The following PRDM10 variants were observed in gnomAD, a reference collection of about 807,000 sequenced individuals.
The protein encoded by PRDM10 is PR domain zinc finger protein 10.
A neutral mutation model predicts 133.1 loss-of-function variants in PRDM10; 65 were observed. The observed-to-expected ratio is 0.49, with a 90% confidence interval of 0.40 to 0.60. The LOEUF (loss-of-function observed/expected upper bound fraction) is 0.60, where lower values mean the gene tolerates loss of function less well. Ranked by LOEUF, PRDM10 falls within the 20% of genes least tolerant of loss-of-function variation. The pLI, the probability that PRDM10 is intolerant of heterozygous loss-of-function variation, is 0.00. For synonymous variants in PRDM10, 582 were observed against 580.4 expected (o/e 1.00, Z -0.04); for missense variants, 1,137 against 1,507.1 (o/e 0.75, Z 4.07).
chr11:129,929,814 T>A (rs1950797053), intron 11 of PRDM10, among the ~76,000 whole-genome samples: 1 of 148,676 alleles, frequency 6.7e-6, no homozygotes. Flanking sequence ...AAAATCAGAA[T>A]GGCCAAAGCA....
intron 1 of PRDM10, among the ~76,000 whole-genome samples, chr11:129,966,380 G>A (rs925322719): frequency 2.6e-5 from 4 of 152,138 alleles, no homozygotes; most frequent in African/African-American, 9.7e-5. Flanking sequence ...CTGAAATAGG[G>A]ATCTATTTTA....
chr11:129,992,795 A>G (rs1186990988), intron 1 of PRDM10, among the ~76,000 whole-genome samples: 1 of 152,236 alleles, frequency 6.6e-6, no homozygotes, highest in Non-Finnish European at 1.5e-5. Flanking sequence ...TAGGAACTGA[A>G]GAAGACATTG....
intron 11 of PRDM10, among the ~76,000 whole-genome samples, chr11:129,929,737 C>T (rs1450525439): frequency 5.2e-5 from 7 of 135,876 alleles, no homozygotes; most frequent in East Asian, 2.2e-4. Context: ...GTGTGGGCTT[C>T]GGTTTTTTTT....
At chr11:129,938,021 T>G (rs1005420302) in intron 7 of PRDM10, among the ~76,000 whole-genome samples, 1 of 152,230 alleles carries the variant, frequency 6.6e-6, no homozygotes, top group African/African-American at 2.4e-5. Flanking sequence ...GTCATAGTGG[T>G]TGCCACCAAA....
chr11:129,933,508 A>C (rs1402420788), intron 9 of PRDM10, among the ~76,000 whole-genome samples: 1 of 152,200 alleles, frequency 6.6e-6, no homozygotes, highest in Non-Finnish European at 1.5e-5. Context: ...ATCACACCTG[A>C]GAAATATCTG....
Position 129,923,899 on chromosome 11 carries a change from T to C in PRDM10, c.1879-496A>G, listed in dbSNP as rs1043921829. Among the ~76,000 whole-genome samples, 1 of 152,252 alleles carries C rather than the reference T, an allele frequency of 6.6e-6. No individual in the cohort carries two copies. The highest frequency in any genetic ancestry group is 1.5e-5 in the Non-Finnish European group (1 of 68,038). On this transcript the variant is annotated intron_variant, in intron 12 of 20. Transcript: ENST00000360871. The surrounding 1 kb of genome is among the most constrained non-coding windows in gnomAD (Gnocchi z 4.4). ...TTTTACATCTTCTTATAAAATTAAGTTCTGAAGAATTAAAGACATGAATGA... is the reference window on the plus strand; with the variant it reads ...TTTTACATCTTCTTATAAAATTAAGCTCTGAAGAATTAAAGACATGAATGA...
At chr11:129,930,159 G>A (rs958258952) in intron 11 of PRDM10, among the ~76,000 whole-genome samples, 2 of 152,154 alleles carry the variant, frequency 1.3e-5, no homozygotes, top group East Asian at 1.9e-4. Context: ...AGAAACATAC[G>A]CTGAACGATC....
intron 1 of PRDM10, among the ~76,000 whole-genome samples, chr11:129,979,672 C>T (rs944883123): frequency 1.3e-5 from 2 of 152,222 alleles, no homozygotes; most frequent in African/African-American, 2.4e-5. Context: ...GCAAAGCTCT[C>T]GAGGAGAAAC....
chr11:129,967,709 C>T (rs1040113399), intron 1 of PRDM10, among the ~76,000 whole-genome samples: 1 of 152,028 alleles, frequency 6.6e-6, no homozygotes, highest in Non-Finnish European at 1.5e-5. Context: ...TGCAGCTCAC[C>T]CCATGGCGAC....
rs1951682647 is a variant in PRDM10, at chr11:129,955,648, T to C, written c.235-77A>G. On this transcript the variant is annotated intron_variant, in intron 3 of 20. Transcript: ENST00000360871. ...CTACACAGAAAAATTATCCTACTGC[T>C]AAGCACCAATTTTTAGAAAAGTTAA... is the stretch of plus-strand genomic sequence containing the variant. 4 of 1,359,564 alleles carry C rather than the reference T, an allele frequency of 2.9e-6. No homozygotes were observed. In the South Asian group the frequency reaches 3.7e-5, roughly 12 times the overall value. The allele number at this position is 1,359,564 out of a possible 1,614,324, so 84.2% of individuals were successfully genotyped here. A position where few individuals can be genotyped will look rare whatever the true frequency, so the allele number is the denominator to read the frequency against.
chr11:129,927,749 T>G (rs901900968), intron 11 of PRDM10, among the ~76,000 whole-genome samples: 1 of 152,150 alleles, frequency 6.6e-6, no homozygotes, highest in African/African-American at 2.4e-5. Flanking sequence ...ATGATACTAA[T>G]GGGATGGTCA....
chr11:129,938,493 C>G (rs966729517), intron 7 of PRDM10, among the ~76,000 whole-genome samples: 1 of 152,076 alleles, frequency 6.6e-6, no homozygotes, highest in Non-Finnish European at 1.5e-5. Flanking sequence ...CAAGGACTAC[C>G]GCTCCCTCGA....
chr11:129,910,597 G>A lies in PRDM10; in HGVS notation c.3042C>T (p.Ser1014=), dbSNP rs748410696. 2 of 1,613,822 alleles carry A rather than the reference G, an allele frequency of 1.2e-6. No individual in the cohort carries two copies. The highest frequency in any genetic ancestry group is 1.7e-6 in the Non-Finnish European group (2 of 1,179,838). ...GTGTGGAAGAACTGCCCTGGATGTG[G>A]GAGGGGCTGAGCCCCTGCTGAGCCT... ...AQQAQQGLSP[S]HIQGSSSTQG... Residue 1014 remains serine, a synonymous_variant, in exon 19 of 21, where the codon TCC becomes TCT. Transcript: ENST00000360871.
At chr11:129,965,159 T>C (rs905316561) in intron 1 of PRDM10, among the ~76,000 whole-genome samples, 2 of 151,744 alleles carry the variant, frequency 1.3e-5, no homozygotes, top group Non-Finnish European at 2.9e-5. Context: ...AGGAGTTGCT[T>C]GAACGCAAAA....
intron 1 of PRDM10, among the ~76,000 whole-genome samples, chr11:129,982,663 A>T (rs542732915): frequency 5.9e-4 from 90 of 152,232 alleles, no homozygotes; most frequent in African/African-American, 2.1e-3. Context: ...TCAAAAAGCT[A>T]TTTTTAGCCA....
chr11:129,924,759 T>C lies in PRDM10; in HGVS notation c.1878+123A>G, dbSNP rs574862391. The C allele has an allele frequency of 8.6e-6, 7 of 810,260 alleles. No homozygotes were observed. The African/African-American group carries it at 1.0e-4, about 12-fold the overall frequency. The allele number at this position is 810,260 out of a possible 1,614,324, so 50.2% of individuals were successfully genotyped here. On this transcript the variant is annotated intron_variant, in intron 12 of 20. Transcript: ENST00000360871. ...TTGATTGAAGAAATATTGTTCTCAA[T>C]TGTAAAGTTGTTTCAAAGAAGGGAT...
At chr11:129,988,914 C>A (rs1017385186) in intron 1 of PRDM10, among the ~76,000 whole-genome samples, 1 of 151,902 alleles carries the variant, frequency 6.6e-6, no homozygotes, top group South Asian at 2.1e-4. Context: ...CAGGCGTGAG[C>A]CACTGCGCCC....
Position 129,947,281 on chromosome 11 carries a change from G to T in PRDM10, c.384C>A (p.Gly128=). ...DPLATLQTPL[G]RLEAKEEEDE... ...CCTCTTCCTCTTTGGCCTCCAGTCT[G>T]CCTAGAGGGGTCTGCAGAGTTGCCA... Residue 128 remains glycine (G), a synonymous_variant, in exon 5 of 21, where the codon GGC becomes GGA. Transcript: ENST00000360871. The surrounding 1 kb of genome is among the most constrained non-coding windows in gnomAD (Gnocchi z 4.6). 1 of 1,614,118 alleles carries T rather than the reference G, an allele frequency of 6.2e-7. No individual in the cohort carries two copies. The highest frequency in any genetic ancestry group is 8.5e-7 in the Non-Finnish European group (1 of 1,180,012).
chr11:129,905,929 C>G (rs1384963848), intron 19 of PRDM10, among the ~76,000 whole-genome samples, 188 bp from the exon 20 acceptor site: 2 of 152,134 alleles, frequency 1.3e-5, no homozygotes, highest in Non-Finnish European at 2.9e-5. Flanking sequence ...ACGCAGATAC[C>G]CAGTGTCAGA....
Sources: gnomAD v4.1 joint callset for allele counts (sites outside exome capture counted in the v4.1 genomes callset) on GRCh38, gnomAD v4.1.1 for gene constraint, Gnocchi (gnomAD v3.1) non-coding constraint, MANE v1.5 for transcripts, NCBI Gene and HGNC (gene_info 2026-07-23, HGNC 2026-07-21) for gene names.